Variants in HYKK observed in about 807,000 individuals in gnomAD.
The protein encoded by HYKK is 5-hydroxy-L-lysine kinase.
In HYKK, 19 loss-of-function variants were observed where a neutral mutation model predicts 29.7. The ratio of observed to expected loss-of-function variants is 0.64; its 90% confidence interval spans 0.45 to 0.94. The LOEUF (loss-of-function observed/expected upper bound fraction) is 0.94. Among genes scored for constraint, HYKK ranks in the 40% least tolerant of loss-of-function variants. The probability of loss-of-function intolerance (pLI) is 0.00; values close to 1 mark genes in which losing one functional copy is unlikely to be tolerated. For synonymous variants in HYKK, 152 were observed against 158.1 expected, an observed-to-expected ratio of 0.96 and a Z score of 0.29; for missense variants, 390 against 443.4, an observed-to-expected ratio of 0.88 and a Z score of 1.08.
chr15:78,507,735 C>T (rs1204059894), intron 1 of HYKK, 64 bp downstream of exon 1: 1 of 152,362 alleles, frequency 6.6e-6, no homozygotes, highest in African/African-American at 2.4e-5. Flanking sequence ...CGGGGTCGCC[C>T]CCGAGGGCAG....
At chr15:78,520,841 G>C (rs960522791) in intron 3 of HYKK, among the ~76,000 whole-genome samples, 2 of 151,604 alleles carry the variant, frequency 1.3e-5, no homozygotes, top group Admixed American at 6.6e-5. Context: ...CTCACCTCCC[G>C]GACGGGGCAG....
chr15:78,520,787 G>A (rs528039280), intron 3 of HYKK, among the ~76,000 whole-genome samples: 3,603 of 152,230 alleles, frequency 0.024, 56 homozygotes, highest in Non-Finnish European at 0.038. Flanking sequence ...GCCGGGCAGA[G>A]GGGCTCCTCA....
At chr15:78,529,111 GGAT>G (rs781258062) in intron 4 of HYKK, among the ~76,000 whole-genome samples, 65 of 152,272 alleles carry the variant, frequency 4.3e-4, no homozygotes, top group Non-Finnish European at 2.6e-4. Flanking sequence ...CCTATGATCT[GGAT>G]GATTGCAGTA....
chr15:78,527,461 T>C lies in HYKK; in HGVS notation c.559T>C (p.Tyr187His). 6.2e-7 allele frequency: 1 copy of C among 1,614,112 alleles called. No homozygotes were observed. Among genetic ancestry groups the C allele is most frequent in the Non-Finnish European group, 8.5e-7 (1 of 1,179,974 alleles). The change falls in exon 4 of 5, where the codon TAC becomes CAC. Residue 187 changes from tyrosine to histidine, a missense_variant. By Grantham distance (83) the Tyr-to-His change is moderately conservative (BLOSUM62 2). Transcript: ENST00000388988. ...NLKNVPLLEK[Y>H]LYALGQNRNR... ...GAAAAATGTTCCTCTTCTGGAGAAA[T>C]ACCTGTATGCCCTGGGCCAGAATCG...
intron 1 of HYKK, among the ~76,000 whole-genome samples, chr15:78,509,090 G>A (rs908945361): frequency 2.0e-5 from 3 of 151,796 alleles, no homozygotes; most frequent in Non-Finnish European, 4.4e-5. Context: ...GAGACATTTG[G>A]TTAAGACAGA....
At chr15:78,509,761 C>T (rs2052052740) in intron 1 of HYKK, among the ~76,000 whole-genome samples, 1 of 152,172 alleles carries the variant, frequency 6.6e-6, no homozygotes, top group African/African-American at 2.4e-5. Context: ...TGTTGGTTCC[C>T]AGAAGTTTCA....
rs766004199 is a variant in HYKK at position 78,514,908 on chromosome 15, C to CTCTA, written c.338-59_338-58insCTAT. The CTCTA allele has an allele frequency of 5.0e-3, 1,936 of 385,094 alleles. 8 individuals are homozygous for CTCTA. The highest frequency in any genetic ancestry group is 0.027 in the East Asian group (332 of 12,396). The allele number at this position is 385,094 out of a possible 1,614,324, so 23.9% of individuals were successfully genotyped here. ...TAAATACCTCTCTCTCTCTCTCTCT[C>CTCTA]TATATATATATATATATATAAATAA... is the stretch of plus-strand genomic sequence containing the variant. On this transcript the variant is annotated intron_variant, in intron 2 of 4. Coordinates refer to ENST00000388988, the MANE Select transcript of HYKK (RefSeq NM_001013619.4).
At position 78,513,273 on chromosome 15, in the gene HYKK, A is replaced by G. The variant is rs760955476; in HGVS notation, c.185A>G (p.Tyr62Cys). 2 of 1,614,218 alleles carry G rather than the reference A, an allele frequency of 1.2e-6. No homozygotes were observed. Among genetic ancestry groups the G allele is most frequent in the Non-Finnish European group, 1.7e-6 (2 of 1,180,032 alleles). ...AAAACCAAAGATGGCCCAACTGAAT[A>G]TGTCCTCAAAATAAGCAACACCAAG... ...VSKTKDGPTE[Y>C]VLKISNTKAS... The change falls in exon 2 of 5, where the codon TAT (tyrosine) becomes TGT (cysteine). Residue 62 changes from tyrosine (Y) to cysteine (C), a missense_variant. Tyr to Cys is a radical substitution (Grantham distance 194, BLOSUM62 -2). Transcript: ENST00000388988.
At chr15:78,509,775 G>A (rs1421684937) in intron 1 of HYKK, among the ~76,000 whole-genome samples, 1 of 152,234 alleles carries the variant, frequency 6.6e-6, no homozygotes, top group Non-Finnish European at 1.5e-5. Context: ...AGTTTCAAGT[G>A]CAAAGATTGT....
chr15:78,517,109 C>CTTTTTTTTTTTTTTTTTT (rs34680285), intron 3 of HYKK, among the ~76,000 whole-genome samples: 1 of 108,404 alleles, frequency 9.2e-6, no homozygotes, highest in African/African-American at 3.3e-5. Context: ...TTCTTTCTTT[C>CTTTTTTTTTTTTTTTTTT]TTTTTTTTTT....
intron 3 of HYKK, among the ~76,000 whole-genome samples, chr15:78,526,865 G>A (rs1300918801): frequency 5.0e-4 from 76 of 152,236 alleles, no homozygotes; most frequent in Non-Finnish European, 2.9e-5. Flanking sequence ...ATGACCATGA[G>A]AGAATGCCAG....
intron 2 of HYKK, among the ~76,000 whole-genome samples, chr15:78,514,154 T>C (rs1170694413): frequency 6.6e-6 from 1 of 152,092 alleles, no homozygotes; most frequent in Non-Finnish European, 1.5e-5. Flanking sequence ...TTAGAGAAGC[T>C]ATAAATTCTG....
chr15:78,525,206 A>C (rs1371926744), intron 3 of HYKK, among the ~76,000 whole-genome samples: 1 of 151,908 alleles, frequency 6.6e-6, no homozygotes, highest in Non-Finnish European at 1.5e-5. Context: ...CCCAGGCTGG[A>C]GTGCAGTGGT....
chr15:78,524,972 G>A (rs138796975), intron 3 of HYKK, among the ~76,000 whole-genome samples: 26 of 152,198 alleles, frequency 1.7e-4, no homozygotes, highest in Non-Finnish European at 3.5e-4. Context: ...GGGGATTACA[G>A]TTCTACATGA....
In HYKK at chr15:78,507,644, T is replaced by G. The variant is rs948837082; in HGVS notation, c.-33T>G. On this transcript the variant is annotated 5_prime_UTR_variant, in exon 1 of 5. Coordinates refer to ENST00000388988, the MANE Select transcript of HYKK (RefSeq NM_001013619.4). ...ACTACCTGTCTGCGGGAAAGCGGGA[T>G]CCACCCCAGGACGTCGGGTCGCTGC... is the stretch of plus-strand genomic sequence containing the variant. 2 of 152,240 alleles carry G rather than the reference T, an allele frequency of 1.3e-5. No homozygotes were observed. The highest frequency in any genetic ancestry group is 4.8e-5 in the African/African-American group (2 of 41,414). 9.4% of individuals were successfully genotyped at this position (152,240 alleles called of 1,614,324 possible). A position where few individuals can be genotyped will look rare whatever the true frequency, so the allele number is the denominator to read the frequency against.
Position 78,533,482 on chromosome 15 carries a change from CGTTTT to C in HYKK, c.935_939del (p.Arg312LeufsTer37). 2 of 1,614,122 alleles carry C rather than the reference CGTTTT, an allele frequency of 1.2e-6. No homozygotes were observed. The highest frequency in any genetic ancestry group is 2.2e-5 in the South Asian group (2 of 91,046). ...TGCTTTGTTTTTACTTGTATGCAGT[CGTTTT>C]TGTCAGTCACTTGTCATGGCTGCAT... On this transcript the variant is annotated frameshift_variant, in exon 5 of 5. Transcript: ENST00000388988. LOFTEE classifies it high-confidence loss of function.
chr15:78,515,929 G>A (rs888740253), intron 3 of HYKK, among the ~76,000 whole-genome samples: 1 of 152,190 alleles, frequency 6.6e-6, no homozygotes. Context: ...AATCTTACTG[G>A]TGTGTTGGAA....
chr15:78,531,727 C>A (rs1344477199), intron 4 of HYKK, among the ~76,000 whole-genome samples: 1 of 152,128 alleles, frequency 6.6e-6, no homozygotes, highest in East Asian at 1.9e-4. Flanking sequence ...AACAGGGTTT[C>A]ACTACGTTGG....
At chr15:78,515,188 T>G in intron 3 of HYKK, 81 bp downstream of exon 3, 1 of 1,126,664 alleles carries the variant, frequency 8.9e-7, no homozygotes, top group Admixed American at 2.5e-5. Context: ...ATGGATCAGA[T>G]TCTCTTTTTA....
Sources: gnomAD v4.1 joint callset for allele counts (sites outside exome capture counted in the v4.1 genomes callset) on GRCh38, gnomAD v4.1.1 for gene constraint, MANE v1.5 for transcripts, NCBI Gene and HGNC (gene_info 2026-07-23, HGNC 2026-07-21) for gene names.